The following CHN2 variants were observed in gnomAD, a reference collection of about 807,000 sequenced individuals.
CHN2 encodes chimerin 2.
A neutral mutation model predicts 56.3 loss-of-function variants in CHN2; 35 were observed. That is an observed-to-expected ratio of 0.62 (90% CI 0.47 to 0.82). The LOEUF is 0.82. CHN2 is among the 40% of genes least tolerant of loss of function. The pLI is 0.00. For missense variants in CHN2, 491 were observed against 580.5 expected (o/e 0.85, Z 1.58); for synonymous variants, 210 against 212.8 (o/e 0.99, Z 0.12).
At chr7:29,318,224 C>T (rs569553601) in intron 1 of CHN2, among the ~76,000 whole-genome samples, 5 of 152,304 alleles carry the variant, frequency 3.3e-5, no homozygotes, top group African/African-American at 1.2e-4. Context: ...GATCAGTAAA[C>T]TATGGCTGCA....
chr7:29,203,759 A>G (rs1784330500), intron 1 of CHN2, among the ~76,000 whole-genome samples: 3 of 152,256 alleles, frequency 2.0e-5, no homozygotes, highest in African/African-American at 7.2e-5. Flanking sequence ...AAACTTACCA[A>G]GGCAACTCAG....
chr7:29,362,767 C>G (rs1302889638), intron 2 of CHN2, among the ~76,000 whole-genome samples: 2 of 152,200 alleles, frequency 1.3e-5, no homozygotes. Context: ...GTTCTGACCA[C>G]TTGAGTACAT....
chr7:29,211,777 A>T (rs750506893), intron 1 of CHN2, among the ~76,000 whole-genome samples: 26 of 152,072 alleles, frequency 1.7e-4, no homozygotes, highest in Non-Finnish European at 2.9e-4. Context: ...GTTCAAGGAG[A>T]TTTTGTTAAT....
At chr7:29,422,036 A>C (rs1388654351) in intron 6 of CHN2, among the ~76,000 whole-genome samples, 1 of 31,408 alleles carries the variant, frequency 3.2e-5, no homozygotes, top group Non-Finnish European at 8.1e-5. Flanking sequence ...ATTCCCTGCT[A>C]TAATAGAAAA....
At chr7:29,344,000 C>G (rs530055910) in intron 1 of CHN2, among the ~76,000 whole-genome samples, 67 of 152,350 alleles carry the variant, frequency 4.4e-4, no homozygotes, top group Non-Finnish European at 7.5e-4. Context: ...AATGGCATCA[C>G]TACCCATCCA....
At chr7:29,174,067 A>C (rs1360034825) in intron 2 of CHN2, among the ~76,000 whole-genome samples, 3 of 152,240 alleles carry the variant, frequency 2.0e-5, no homozygotes, top group Non-Finnish European at 4.4e-5. Flanking sequence ...GCTTCTCTTC[A>C]TAGTCTCCAT....
At chr7:29,212,351 C>A in intron 1 of CHN2, 1 of 1,525,332 alleles carries the variant, frequency 6.6e-7, no homozygotes, top group South Asian at 1.1e-5. Context: ...TCGAAGCATC[C>A]GACTGTAAAG....
chr7:29,439,486 G>T (rs59574873), intron 6 of CHN2, among the ~76,000 whole-genome samples: 39,729 of 151,854 alleles, frequency 0.26, 6,065 homozygotes, highest in African/African-American at 0.42. Context: ...CCATTCTTGC[G>T]TTTTCTTGTC....
At chr7:29,366,250 A>G (rs1799146794) in intron 2 of CHN2, among the ~76,000 whole-genome samples, 1 of 152,018 alleles carries the variant, frequency 6.6e-6, no homozygotes, top group Admixed American at 6.5e-5. Context: ...TAGGAGATAA[A>G]TGAAGCGTTA....
chr7:29,260,665 T>C (rs778096012), intron 1 of CHN2, among the ~76,000 whole-genome samples: 84 of 152,196 alleles, frequency 5.5e-4, no homozygotes, highest in Non-Finnish European at 1.2e-4. Flanking sequence ...TCTGACTCCA[T>C]AGCTCAGTGT....
At chr7:29,496,059 T>C (rs746317756) in intron 8 of CHN2, 23 bp downstream of exon 8, 10 of 1,585,780 alleles carry the variant, frequency 6.3e-6, no homozygotes, top group Non-Finnish European at 8.6e-6. Flanking sequence ...CTTTCTTCTT[T>C]TCCAATTATA....
intron 6 of CHN2, among the ~76,000 whole-genome samples, chr7:29,407,501 A>G (rs1451959413): frequency 6.6e-6 from 1 of 152,190 alleles, no homozygotes; most frequent in Non-Finnish European, 1.5e-5. Context: ...GATCACTTGC[A>G]TTACAGGGTC....
chr7:29,486,337 T>G (rs1321448851), intron 7 of CHN2, among the ~76,000 whole-genome samples: 1 of 152,182 alleles, frequency 6.6e-6, no homozygotes, highest in Non-Finnish European at 1.5e-5. Context: ...CAGTTTGCCC[T>G]CTTGTGCGGC....
At chr7:29,228,108 A>G (rs960849596) in intron 1 of CHN2, among the ~76,000 whole-genome samples, 1 of 151,694 alleles carries the variant, frequency 6.6e-6, no homozygotes, top group East Asian at 1.9e-4. Flanking sequence ...TCTAATTAAC[A>G]TAGAAGCTAC....
intron 1 of CHN2, among the ~76,000 whole-genome samples, chr7:29,345,659 CCT>C (rs1797377741): frequency 6.6e-6 from 1 of 152,094 alleles, no homozygotes; most frequent in Non-Finnish European, 1.5e-5. Flanking sequence ...TTTCGTAAGG[CCT>C]CTCTACCTGT....
chr7:29,321,667 T>A (rs945224138), intron 1 of CHN2, among the ~76,000 whole-genome samples: 1 of 151,262 alleles, frequency 6.6e-6, no homozygotes, highest in Non-Finnish European at 1.5e-5. Context: ...ACCTCCCGCG[T>A]TCAAGTAATT....
rs542982295 is a variant in CHN2 at position 29,242,873 on chromosome 7, T to C, written c.49+47883T>C. ...CTCAGGGTGAATGCTTGTCTTTTTA[T>C]TTCATGACAACTTTTTTTTTTTCTG... On this transcript the variant is annotated intron_variant, in intron 1 of 12. Transcript: ENST00000222792. 6.6e-5 allele frequency among the ~76,000 whole-genome samples: 10 copies of C among 151,520 alleles called. No homozygotes were observed. The South Asian group carries it at 1.2e-3, about 19-fold the overall frequency.
intron 2 of CHN2, among the ~76,000 whole-genome samples, chr7:29,366,656 G>T (rs989554531): frequency 3.3e-5 from 5 of 152,274 alleles, no homozygotes; most frequent in Admixed American, 6.5e-5. Flanking sequence ...GGGTTGTGGT[G>T]AACTCTGTTT....
intron 1 of CHN2, among the ~76,000 whole-genome samples, chr7:29,230,519 TTA>T (rs1232796820): frequency 6.6e-6 from 1 of 152,152 alleles, no homozygotes; most frequent in Non-Finnish European, 1.5e-5. Flanking sequence ...TTTTGTACTT[TTA>T]GTAGAGACGG....
Sources: gnomAD v4.1 joint callset for allele counts (sites outside exome capture counted in the v4.1 genomes callset) on GRCh38, gnomAD v4.1.1 for gene constraint, MANE v1.5 for transcripts, NCBI Gene and HGNC (gene_info 2026-07-23, HGNC 2026-07-21) for gene names.